The following NWD2 variants were observed in gnomAD, a reference collection of about 807,000 sequenced individuals.
NWD2 encodes NACHT and WD repeat domain containing 2, also known as NACHT and WD repeat domain-containing protein 2.
Under a neutral mutation model 132.7 loss-of-function variants are expected in NWD2, and 37 were observed. The observed-to-expected ratio is 0.28, with a 90% confidence interval of 0.21 to 0.37. The LOEUF (loss-of-function observed/expected upper bound fraction) is 0.37. Among genes scored for constraint, NWD2 ranks in the 10% least tolerant of loss-of-function variants. NWD2 has a pLI of 1.00. For synonymous variants in NWD2, 705 were observed against 803.0 expected (o/e 0.88, Z 2.06); for missense variants, 1,592 against 2,122.4 (o/e 0.75, Z 4.91).
At chr4:37,337,986 C>T (rs911865645) in intron 2 of NWD2, among the ~76,000 whole-genome samples, 1 of 152,170 alleles carries the variant, frequency 6.6e-6, no homozygotes, top group African/African-American at 2.4e-5. Context: ...AGTGTTTCTT[C>T]GAAGCTTGCC....
At chr4:37,404,738 C>T (rs1431963068) in intron 3 of NWD2, among the ~76,000 whole-genome samples, 1 of 152,206 alleles carries the variant, frequency 6.6e-6, no homozygotes, top group Admixed American at 6.5e-5. Flanking sequence ...GACATCCGCT[C>T]AGCTTCTGGA....
chr4:37,326,398 ATTTCC>A (rs1719173435), intron 2 of NWD2, among the ~76,000 whole-genome samples: 2 of 152,050 alleles, frequency 1.3e-5, no homozygotes, highest in Admixed American at 1.3e-4. Context: ...TTTCAAACTT[ATTTCC>A]TTTCATCAGC....
chr4:37,431,149 A>G (rs535356346), intron 4 of NWD2, among the ~76,000 whole-genome samples: 1 of 152,338 alleles, frequency 6.6e-6, no homozygotes, highest in Admixed American at 6.5e-5. Context: ...ACTTCTGGGT[A>G]TATATCCAAA....
intron 3 of NWD2, among the ~76,000 whole-genome samples, chr4:37,418,375 G>T (rs947970327): frequency 1.3e-5 from 2 of 152,030 alleles, no homozygotes; most frequent in Non-Finnish European, 2.9e-5. Flanking sequence ...AAATTATATA[G>T]ATTATGTAAT....
At chr4:37,352,314 AG>A (rs1719785282) in intron 2 of NWD2, among the ~76,000 whole-genome samples, 1 of 152,168 alleles carries the variant, frequency 6.6e-6, no homozygotes, top group Admixed American at 6.5e-5. Flanking sequence ...TGGGAGTCTA[AG>A]TCTCTTTGTA....
At chr4:37,273,444 A>C (rs1358427009) in intron 1 of NWD2, among the ~76,000 whole-genome samples, 2 of 152,094 alleles carry the variant, frequency 1.3e-5, no homozygotes, top group Non-Finnish European at 2.9e-5. Context: ...GTCCTTAGAG[A>C]CCTACAAAGA....
chr4:37,400,042 G>A (rs1010239962), intron 3 of NWD2, among the ~76,000 whole-genome samples: 2 of 152,172 alleles, frequency 1.3e-5, no homozygotes, highest in African/African-American at 4.8e-5. Flanking sequence ...AGTTAAGATT[G>A]TAGACTCTGT....
chr4:37,399,298 T>C lies in NWD2; in HGVS notation c.358-31274T>C, dbSNP rs528797134. Among the ~76,000 whole-genome samples the C allele has an allele frequency of 5.9e-5, 9 of 152,356 alleles. No individual in the cohort carries two copies. In the East Asian group the frequency reaches 1.7e-3, roughly 29 times the overall value. ...CAGTGGACCTCACTTTTTAAGCCTC[T>C]CTGGCCATCTTCTGGCTCCAAGAAT... On this transcript the variant is annotated intron_variant, in intron 3 of 6. Coordinates refer to ENST00000309447, the MANE Select transcript of NWD2 (RefSeq NM_001144990.2).
chr4:37,430,527 C>A, intron 3 of NWD2, 45 bp from the exon 4 acceptor site: 1 of 1,392,688 alleles, frequency 7.2e-7, no homozygotes, highest in Non-Finnish European at 1.0e-6. Flanking sequence ...CTAAAATGAA[C>A]TTTCTTGGTG....
intron 6 of NWD2, among the ~76,000 whole-genome samples, chr4:37,441,832 A>G (rs893806323): frequency 6.6e-6 from 1 of 152,154 alleles, no homozygotes; most frequent in Non-Finnish European, 1.5e-5. Flanking sequence ...GGATGCAGAT[A>G]GATATCTCAT....
chr4:37,410,069 A>C (rs978275600), intron 3 of NWD2, among the ~76,000 whole-genome samples: 2 of 152,180 alleles, frequency 1.3e-5, no homozygotes, highest in Non-Finnish European at 2.9e-5. Flanking sequence ...ATTGTAAAGA[A>C]CATCAACACT....
chr4:37,429,098 T>C (rs1712098302), intron 3 of NWD2, among the ~76,000 whole-genome samples: 1 of 152,144 alleles, frequency 6.6e-6, no homozygotes, highest in African/African-American at 2.4e-5. Context: ...TATATATGTA[T>C]ACCAAAAAAA....
In NWD2 at chr4:37,439,344, G is replaced by A; in HGVS notation, c.1250G>A (p.Gly417Glu). 1 of 1,527,380 alleles carries A rather than the reference G, an allele frequency of 6.5e-7. No homozygotes were observed. The highest frequency in any genetic ancestry group is 8.8e-7 in the Non-Finnish European group (1 of 1,137,258). The allele number at this position is 1,527,380 out of a possible 1,614,324, so 94.6% of individuals were successfully genotyped here. The change falls in exon 6 of 7, where the codon GGG (glycine) becomes GAG (glutamate). Residue 417 changes from glycine to glutamate, a missense_variant. By Grantham distance (98) the Gly-to-Glu change is moderately conservative. Around this residue, in one of 7 missense-constraint regions of NWD2, gnomAD observed 1,071 missense variants for 1,398.0 expected, o/e 0.77. Transcript: ENST00000309447. This position sits in a 1 kb window ranked among gnomAD's most constrained non-coding sequence, Gnocchi z 4.5. ...ATCAACCCTCTTATTATATATGGTGGGCCATGCACTGGGAAGACCCTTCTG... is the reference window on the plus strand; with the variant it reads ...ATCAACCCTCTTATTATATATGGTGAGCCATGCACTGGGAAGACCCTTCTG... Reference protein sequence around the residue: ...GHINPLIIYGGPCTGKTLLLA... With the variant: ...GHINPLIIYGEPCTGKTLLLA...
chr4:37,252,117 A>G (rs1663233136), intron 1 of NWD2, among the ~76,000 whole-genome samples: 1 of 152,224 alleles, frequency 6.6e-6, no homozygotes, highest in East Asian at 1.9e-4. Flanking sequence ...GGGTATGGAA[A>G]CTATTCTGCA....
At chr4:37,358,356 G>C (rs892996216) in intron 3 of NWD2, among the ~76,000 whole-genome samples, 1 of 150,078 alleles carries the variant, frequency 6.7e-6, no homozygotes, top group African/African-American at 2.5e-5. Flanking sequence ...GGTTTGGGGG[G>C]GTTGGGGGAA....
chr4:37,297,573 C>T (rs915752843), intron 1 of NWD2, among the ~76,000 whole-genome samples: 2 of 152,174 alleles, frequency 1.3e-5, no homozygotes, highest in African/African-American at 4.8e-5. Context: ...ACCATCTATA[C>T]ATTTATTAGG....
At chr4:37,289,734 C>G (rs1560386248) in intron 1 of NWD2, among the ~76,000 whole-genome samples, 1 of 152,090 alleles carries the variant, frequency 6.6e-6, no homozygotes, top group Non-Finnish European at 1.5e-5. Context: ...TCAATATAAC[C>G]CAAACCTTTA....
At position 37,330,199 on chromosome 4, in the gene NWD2, T is replaced by G. The variant is rs148106887; in HGVS notation, c.240+4175T>G. Among the ~76,000 whole-genome samples the G allele has an allele frequency of 3.5e-3, 527 of 152,282 alleles. 6 individuals are homozygous for G. Among genetic ancestry groups the G allele is most frequent in the African/African-American group, 0.011 (451 of 41,558 alleles). ...GATATTTGATGAAAATACACTAGAC[T>G]CCGATTATGTAAACTTCAATTAATT... is the stretch of plus-strand genomic sequence containing the variant. On this transcript the variant is annotated intron_variant, in intron 2 of 6. Coordinates refer to ENST00000309447, the MANE Select transcript of NWD2 (RefSeq NM_001144990.2).
chr4:37,322,009 G>A (rs996148207), intron 1 of NWD2, among the ~76,000 whole-genome samples: 11 of 152,146 alleles, frequency 7.2e-5, no homozygotes, highest in Non-Finnish European at 2.9e-5. Context: ...CGAGATTTCA[G>A]AATCTTGCTT....
Sources: gnomAD v4.1 joint callset for allele counts (sites outside exome capture counted in the v4.1 genomes callset) on GRCh38, gnomAD v4.1.1 for gene constraint, gnomAD v4.1.1 regional missense constraint, Gnocchi (gnomAD v3.1) non-coding constraint, MANE v1.5 for transcripts, NCBI Gene and HGNC (gene_info 2026-07-23, HGNC 2026-07-21) for gene names.